ILRUN: variants seen among roughly 807,000 people sequenced by gnomAD.
The protein encoded by ILRUN is protein ILRUN.
Under a neutral mutation model 33.8 loss-of-function variants are expected in ILRUN, and 3 were observed. That is an observed-to-expected ratio of 0.09 (90% confidence interval 0.04 to 0.23). The LOEUF (loss-of-function observed/expected upper bound fraction) is 0.23, where lower values mean the gene tolerates loss of function less well. ILRUN is among the 10% of genes least tolerant of loss of function. ILRUN has a pLI of 1.00. For synonymous variants in ILRUN, 124 were observed against 138.9 expected (o/e 0.89, Z 0.75); for missense variants, 210 against 375.1 (o/e 0.56, Z 3.64).
chr6:34,645,385 G>GT lies in ILRUN; in HGVS notation c.511+1215dup, dbSNP rs200170599. 5.3e-3 allele frequency among the ~76,000 whole-genome samples: 804 copies of GT among 152,022 alleles called. 16 individuals carry two copies. The highest frequency in any genetic ancestry group is 0.018 in the African/African-American group (762 of 41,444). On this transcript the variant is annotated intron_variant, in intron 3 of 4. Transcript: ENST00000374023. ...AAGGTTGGTTTTTTTGTTTTGTTTT[G>GT]TTTTTTTGAGACAGGCGCTCACTCT...
At chr6:34,685,766 A>G (rs1763503794) in intron 1 of ILRUN, 1 of 152,198 alleles carries the variant, frequency 6.6e-6, no homozygotes, top group African/African-American at 2.4e-5. Flanking sequence ...TGAAGAGAAT[A>G]AAATATATAT....
intron 1 of ILRUN, among the ~76,000 whole-genome samples, chr6:34,679,643 T>C (rs1267930140): frequency 2.6e-5 from 4 of 152,286 alleles, no homozygotes; most frequent in East Asian, 1.9e-4. Context: ...AGGTGTGCAA[T>C]AGGTTAAACA....
intron 1 of ILRUN, among the ~76,000 whole-genome samples, chr6:34,661,318 T>A (rs1233096964): frequency 6.6e-6 from 1 of 152,122 alleles, no homozygotes; most frequent in Non-Finnish European, 1.5e-5. Context: ...AATGATTTTT[T>A]AAAAATCTTA....
At chr6:34,658,201 T>G (rs115895058) in intron 1 of ILRUN, among the ~76,000 whole-genome samples, 3,339 of 151,776 alleles carry the variant, frequency 0.022, 99 homozygotes, top group African/African-American at 0.067. Flanking sequence ...ATACAAAAAT[T>G]AGCTGGGCAT....
intron 1 of ILRUN, among the ~76,000 whole-genome samples, chr6:34,682,018 A>ATTTTTTT (rs1305122768): frequency 9.6e-6 from 1 of 103,810 alleles, no homozygotes; most frequent in Non-Finnish European, 2.1e-5. Flanking sequence ...CACCCCACTA[A>ATTTTTTT]TTCTTATATT....
chr6:34,620,702 G>T lies in ILRUN; in HGVS notation c.512-13798C>A, dbSNP rs960209800. Among the ~76,000 whole-genome samples, 5 of 152,294 alleles carry T rather than the reference G, an allele frequency of 3.3e-5. No homozygotes were observed. In the East Asian group the frequency reaches 9.7e-4, roughly 29 times the overall value. ...AAATTAGCTGGGCATCATGGCACAT[G>T]CCTGCAGTCCCAGCTACTCAGGAGG... is the stretch of plus-strand genomic sequence containing the variant. On this transcript the variant is annotated intron_variant, in intron 3 of 4. Transcript: ENST00000374023.
At chr6:34,684,589 C>T (rs925013701) in intron 1 of ILRUN, among the ~76,000 whole-genome samples, 4 of 152,124 alleles carry the variant, frequency 2.6e-5, no homozygotes, top group African/African-American at 9.7e-5. Flanking sequence ...GCACTGTCCT[C>T]TTAAAAGTGT....
At chr6:34,650,309 G>A (rs145655436) in intron 2 of ILRUN, among the ~76,000 whole-genome samples, 65 of 152,144 alleles carry the variant, frequency 4.3e-4, no homozygotes, top group African/African-American at 1.4e-3. Context: ...CTGAATCCTA[G>A]AATTTTGCAT....
intron 3 of ILRUN, among the ~76,000 whole-genome samples, chr6:34,634,227 G>A (rs1762308425): frequency 6.6e-6 from 1 of 151,978 alleles, no homozygotes; most frequent in South Asian, 2.1e-4. Context: ...AGTCTCAAGG[G>A]AAATTAGAAG....
chr6:34,687,356 TAA>T (rs1466172584), intron 1 of ILRUN, among the ~76,000 whole-genome samples: 1 of 152,086 alleles, frequency 6.6e-6, no homozygotes, highest in Non-Finnish European at 1.5e-5. Context: ...ATCAAAATCA[TAA>T]TAAGGTACCA....
At chr6:34,605,524 G>A (rs1336256635) in intron 4 of ILRUN, among the ~76,000 whole-genome samples, 1 of 151,830 alleles carries the variant, frequency 6.6e-6, no homozygotes, top group Non-Finnish European at 1.5e-5. Flanking sequence ...AGCTACTCAG[G>A]AGGCTGAGGT....
At chr6:34,696,319 C>A in intron 1 of ILRUN, 127 bp downstream of exon 1, 1 of 1,021,484 alleles carries the variant, frequency 9.8e-7, no homozygotes, top group Non-Finnish European at 1.4e-6. Flanking sequence ...CTCGTCCTCC[C>A]CGTCCCGGGA....
intron 1 of ILRUN, among the ~76,000 whole-genome samples, chr6:34,683,485 TAC>T (rs1180908760): frequency 0.012 from 1,332 of 110,086 alleles, 64 homozygotes; most frequent in African/African-American, 0.051. Flanking sequence ...CATATATATA[TAC>T]ATATATATAT....
intron 1 of ILRUN, among the ~76,000 whole-genome samples, chr6:34,666,385 C>G (rs1159253467): frequency 6.6e-6 from 1 of 152,026 alleles, no homozygotes; most frequent in African/African-American, 2.4e-5. Flanking sequence ...CATGGAGAAA[C>G]CCCCATCTCT....
intron 4 of ILRUN, among the ~76,000 whole-genome samples, chr6:34,603,406 G>A (rs910998232): frequency 3.9e-5 from 6 of 152,132 alleles, no homozygotes; most frequent in Non-Finnish European, 7.4e-5. Context: ...AGGCCGAGGC[G>A]GGCGGATCAC....
chr6:34,678,836 CAAAAAAAAAAAAAAAAA>C (rs767799882), intron 1 of ILRUN, among the ~76,000 whole-genome samples: 1 of 47,884 alleles, frequency 2.1e-5, no homozygotes, highest in African/African-American at 8.5e-5. Context: ...GACTCCGTCT[CAAAAAAAAAAAAAAAAA>C]AAAAAAGAAA....
chr6:34,682,449 AC>A (rs1763387972), intron 1 of ILRUN, among the ~76,000 whole-genome samples: 1 of 149,936 alleles, frequency 6.7e-6, no homozygotes, highest in Non-Finnish European at 1.5e-5. Context: ...TAGTAGAGAC[AC>A]GGTTTCACCA....
intron 1 of ILRUN, among the ~76,000 whole-genome samples, chr6:34,675,205 T>C (rs1763202978): frequency 1.3e-5 from 2 of 151,938 alleles, no homozygotes; most frequent in Admixed American, 6.6e-5. Context: ...CACATGAACC[T>C]GGGAGGCAGA....
At chr6:34,628,021 T>A (rs1303000267) in intron 3 of ILRUN, among the ~76,000 whole-genome samples, 1 of 152,042 alleles carries the variant, frequency 6.6e-6, no homozygotes, top group Non-Finnish European at 1.5e-5. Flanking sequence ...ACTTTTTTCT[T>A]TTTTGAGATG....
Sources: allele counts gnomAD v4.1 joint callset (sites outside exome capture counted in the v4.1 genomes callset), GRCh38; gene constraint gnomAD v4.1.1; transcripts MANE v1.5; gene names NCBI Gene and HGNC (gene_info 2026-07-23, HGNC 2026-07-21).